Variants in RXFP2 observed in about 807,000 individuals in gnomAD.
The protein encoded by RXFP2 is relaxin receptor 2.
A neutral mutation model predicts 88.6 loss-of-function variants in RXFP2; 68 were observed. The ratio of observed to expected loss-of-function variants is 0.77; its 90% confidence interval spans 0.63 to 0.94. The LOEUF is 0.94. Among genes scored for constraint, RXFP2 ranks in the 40% least tolerant of loss-of-function variants. The probability of loss-of-function intolerance (pLI) is 0.00; values close to 1 mark genes in which losing one functional copy is unlikely to be tolerated. For missense variants in RXFP2, 791 were observed against 893.9 expected (o/e 0.88, Z 1.47); for synonymous variants, 329 against 306.8 (o/e 1.07, Z -0.76).
intron 1 of RXFP2, among the ~76,000 whole-genome samples, chr13:31,755,279 T>A (rs1871887694): frequency 6.6e-6 from 1 of 152,168 alleles, no homozygotes. Context: ...AGGCATGTGA[T>A]CCCTTCTCAA....
Position 31,780,829 on chromosome 13 carries a change from C to A in RXFP2, c.786-842C>A, listed in dbSNP as rs191675572. ...GTGCTTCTCAGACATCAGCGTGCAT[C>A]GTAAACAATGGGCGAACTTGCTGAG... On this transcript the variant is annotated intron_variant, in intron 9 of 17. Transcript: ENST00000298386. 9.2e-5 allele frequency among the ~76,000 whole-genome samples: 14 copies of A among 152,320 alleles called. No homozygotes were observed. In the Middle Eastern group the frequency reaches 0.014, roughly 148 times the overall value.
chr13:31,793,204 T>C (rs1057266314), intron 16 of RXFP2, 116 bp downstream of exon 16: 1 of 956,306 alleles, frequency 1.0e-6, no homozygotes, highest in Non-Finnish European at 1.5e-6. Flanking sequence ...CAAGACTGTG[T>C]CCTTTTTCAC....
chr13:31,765,987 C>G lies in RXFP2; in HGVS notation c.457C>G (p.Pro153Ala), dbSNP rs770474881. 6.5e-7 allele frequency: 1 copy of G among 1,549,446 alleles called. No individual in the cohort carries two copies. Among genetic ancestry groups the G allele is most frequent in the Non-Finnish European group, 8.9e-7 (1 of 1,123,266 alleles). ...SLKKNKIHSL[P>A]DKVFIKYTKL... ...TAAGAAAAACAAAATCCACAGTCTT[C>G]CAGATAAAGTTTTCATCAAATACAC... Residue 153 changes from proline to alanine, a missense_variant, in exon 5 of 18, where the codon CCA becomes GCA. Transcript: ENST00000298386.
chr13:31,772,356 G>T (rs1433038346), intron 5 of RXFP2, among the ~76,000 whole-genome samples: 1 of 152,136 alleles, frequency 6.6e-6, no homozygotes, highest in Non-Finnish European at 1.5e-5. Context: ...AAACATGCAT[G>T]TCATTAAAGC....
intron 5 of RXFP2, 86 bp from the exon 6 acceptor site, chr13:31,774,534 A>G: frequency 1.3e-6 from 1 of 787,448 alleles, no homozygotes; most frequent in Non-Finnish European, 2.3e-6. Context: ...AATTGTCTTC[A>G]GGTAAAGAAA....
rs111753822 is a variant in RXFP2 at position 31,739,566 on chromosome 13, G to C, written c.-47G>C. 406 of 1,223,090 alleles carry C rather than the reference G, an allele frequency of 3.3e-4. 2 individuals carry two copies. The African/African-American group carries it at 5.2e-3, about 16-fold the overall frequency. 75.8% of individuals were successfully genotyped at this position (1,223,090 alleles called of 1,614,324 possible). On this transcript the variant is annotated 5_prime_UTR_variant, in exon 1 of 18. Transcript: ENST00000298386. ...CTGAACTTACTACATCAGAACTCCT[G>C]CTGAGGTATAAGAGGATACGTCTAA...
chr13:31,745,586 T>G (rs754002275), intron 1 of RXFP2, among the ~76,000 whole-genome samples: 1 of 152,218 alleles, frequency 6.6e-6, no homozygotes, highest in African/African-American at 2.4e-5. Flanking sequence ...TGAACCCAGT[T>G]GCGATTGTTT....
chr13:31,790,272 C>T (rs989636625), intron 14 of RXFP2, among the ~76,000 whole-genome samples: 8 of 152,058 alleles, frequency 5.3e-5, no homozygotes, highest in Admixed American at 4.6e-4. Flanking sequence ...GCAAGGGGGC[C>T]CTGAACCACT....
intron 5 of RXFP2, among the ~76,000 whole-genome samples, chr13:31,771,094 G>T (rs1025358250): frequency 1.2e-4 from 19 of 152,218 alleles, no homozygotes; most frequent in African/African-American, 4.6e-4. Flanking sequence ...AATCTTGATT[G>T]TATGCCAGCT....
At chr13:31,801,062 CAT>C (rs547845854) in intron 17 of RXFP2, among the ~76,000 whole-genome samples, 120 of 151,876 alleles carry the variant, frequency 7.9e-4, no homozygotes, top group Non-Finnish European at 1.2e-3. Flanking sequence ...AGGAAGAAGA[CAT>C]AGAGAGGAAG....
At chr13:31,760,763 T>C (rs950567590) in intron 2 of RXFP2, among the ~76,000 whole-genome samples, 2 of 152,374 alleles carry the variant, frequency 1.3e-5, no homozygotes, top group South Asian at 2.1e-4. Flanking sequence ...TTCAGTATCT[T>C]ACATTATAAT....
chr13:31,791,366 C>T (rs549521658), intron 14 of RXFP2, among the ~76,000 whole-genome samples: 10 of 152,122 alleles, frequency 6.6e-5, no homozygotes, highest in Non-Finnish European at 1.0e-4. Flanking sequence ...CAGTAGACCT[C>T]GGTGTTTAAA....
In RXFP2 at chr13:31,740,805, A is replaced by G. The variant is rs1871200526; in HGVS notation, c.94+1099A>G. ...TTTAATATCTCTTACATGAAAAGCT[A>G]AGGATTAACTAAGAAGAAACAATAT... On this transcript the variant is annotated intron_variant, in intron 1 of 17. Coordinates refer to ENST00000298386, the MANE Select transcript of RXFP2 (RefSeq NM_130806.5). 2.6e-5 allele frequency among the ~76,000 whole-genome samples: 4 copies of G among 152,064 alleles called. 1 individual carries two copies. In the South Asian group the frequency reaches 8.3e-4, roughly 31 times the overall value.
At chr13:31,751,462 A>G (rs1021546293) in intron 1 of RXFP2, among the ~76,000 whole-genome samples, 2 of 152,206 alleles carry the variant, frequency 1.3e-5, no homozygotes, top group Non-Finnish European at 2.9e-5. Flanking sequence ...AGAAGAATCC[A>G]GGGACCTGGT....
At chr13:31,765,889 G>A in intron 4 of RXFP2, 67 bp from the exon 5 acceptor site, 1 of 767,352 alleles carries the variant, frequency 1.3e-6, no homozygotes, top group East Asian at 2.7e-5. Flanking sequence ...CCAAGCATGT[G>A]GCTTCTAGGG....
intron 5 of RXFP2, among the ~76,000 whole-genome samples, chr13:31,773,442 A>G (rs542138653): frequency 6.6e-6 from 1 of 152,060 alleles, no homozygotes; most frequent in South Asian, 2.1e-4. Flanking sequence ...TTCCTTTCTA[A>G]TAATCTTTAT....
intron 14 of RXFP2, among the ~76,000 whole-genome samples, chr13:31,790,016 G>A (rs928254473): frequency 2.0e-5 from 3 of 152,088 alleles, no homozygotes; most frequent in African/African-American, 7.2e-5. Context: ...CAGGATATGG[G>A]GTCTTCTTAG....
At chr13:31,780,187 C>T (rs1305861656) in intron 9 of RXFP2, among the ~76,000 whole-genome samples, 1 of 152,102 alleles carries the variant, frequency 6.6e-6, no homozygotes, top group Non-Finnish European at 1.5e-5. Flanking sequence ...AAAAAATAGA[C>T]ACACAATAAA....
chr13:31,797,064 T>C, intron 16 of RXFP2, 137 bp from the exon 17 acceptor site: 1 of 710,166 alleles, frequency 1.4e-6, no homozygotes, highest in Non-Finnish European at 2.5e-6. Flanking sequence ...ATTATGAATG[T>C]GTAAATATTC....
Sources: gnomAD v4.1 joint callset for allele counts (sites outside exome capture counted in the v4.1 genomes callset) on GRCh38, gnomAD v4.1.1 for gene constraint, MANE v1.5 for transcripts, NCBI Gene and HGNC (gene_info 2026-07-23, HGNC 2026-07-21) for gene names.